Variants in IQGAP2 observed in about 807,000 individuals in gnomAD.
IQGAP2 encodes the protein ras GTPase-activating-like protein IQGAP2.
In IQGAP2, 173 loss-of-function variants were observed where a neutral mutation model predicts 201.3. The observed-to-expected ratio is 0.86, with a 90% CI of 0.76 to 0.98. IQGAP2 has a LOEUF of 0.98. Ranked by LOEUF, IQGAP2 falls within the 50% of genes least tolerant of loss-of-function variation. The probability of loss-of-function intolerance (pLI) is 0.00; values close to 1 mark genes in which losing one functional copy is unlikely to be tolerated. For missense variants in IQGAP2, 1,687 were observed against 1,864.8 expected, an observed-to-expected ratio of 0.90 and a Z score of 1.76; for synonymous variants, 675 against 673.9, an observed-to-expected ratio of 1.00 and a Z score of -0.03.
intron 2 of IQGAP2, among the ~76,000 whole-genome samples, chr5:76,524,746 T>C (rs563117441): frequency 1.3e-5 from 2 of 152,346 alleles, no homozygotes; most frequent in East Asian, 1.9e-4. Context: ...CTTGAGTATA[T>C]TGAGTGGAAG....
At chr5:76,511,714 T>C (rs1480873178) in intron 2 of IQGAP2, among the ~76,000 whole-genome samples, 1 of 150,816 alleles carries the variant, frequency 6.6e-6, no homozygotes, top group Non-Finnish European at 1.5e-5. Context: ...GGAGTCTCGC[T>C]CTGTCGCCCA....
At chr5:76,686,791 G>A (rs1745813715) in intron 30 of IQGAP2, among the ~76,000 whole-genome samples, 1 of 152,204 alleles carries the variant, frequency 6.6e-6, no homozygotes, top group Non-Finnish European at 1.5e-5. Context: ...TTACAGGCGT[G>A]AGCCACCACT....
Position 76,590,459 on chromosome 5 carries a change from A to G in IQGAP2, c.692A>G (p.Glu231Gly), listed in dbSNP as rs1746568342. The part of the protein sequence containing the change: ...INEAVEKGIA[E>G]QTVVTLRNPN... ...GAAGCAGTTGAAAAAGGAATAGCAG[A>G]GCAAACCGTTGTAACACTAAGAAAC... The change falls in exon 8 of 36, where the codon GAG becomes GGG. Residue 231 changes from glutamate (E) to glycine (G), a missense_variant. Transcript: ENST00000274364. 3 of 1,613,876 alleles carry G rather than the reference A, an allele frequency of 1.9e-6. No homozygotes were observed. The highest frequency in any genetic ancestry group is 2.5e-6 in the Non-Finnish European group (3 of 1,179,864).
At chr5:76,578,261 G>A (rs562869117) in intron 5 of IQGAP2, among the ~76,000 whole-genome samples, 3 of 152,232 alleles carry the variant, frequency 2.0e-5, no homozygotes, top group African/African-American at 4.8e-5. Flanking sequence ...GCAGCAAAGG[G>A]AGGAAATTCT....
chr5:76,437,695 A>T (rs1752783705), intron 1 of IQGAP2, among the ~76,000 whole-genome samples: 1 of 152,176 alleles, frequency 6.6e-6, no homozygotes, highest in Admixed American at 6.5e-5. Context: ...GTCCCTGCAA[A>T]GGACATAGTC....
intron 1 of IQGAP2, among the ~76,000 whole-genome samples, chr5:76,419,924 A>G (rs1751634989): frequency 6.6e-6 from 1 of 152,160 alleles, no homozygotes; most frequent in Non-Finnish European, 1.5e-5. Context: ...TGTTCAATAT[A>G]AATTCCACAC....
At chr5:76,545,428 C>A (rs1326963133) in intron 2 of IQGAP2, among the ~76,000 whole-genome samples, 9 of 152,288 alleles carry the variant, frequency 5.9e-5, no homozygotes, top group African/African-American at 2.2e-4. Context: ...TATCTCTGGG[C>A]ACATGGTGGA....
intron 2 of IQGAP2, among the ~76,000 whole-genome samples, chr5:76,555,980 T>C (rs763028138): frequency 2.0e-5 from 3 of 152,134 alleles, no homozygotes; most frequent in Non-Finnish European, 2.9e-5. Flanking sequence ...AGGAGCTACA[T>C]TGTCTGGGGT....
At chr5:76,551,217 C>A (rs1217260253) in intron 2 of IQGAP2, among the ~76,000 whole-genome samples, 3 of 148,622 alleles carry the variant, frequency 2.0e-5, no homozygotes, top group Admixed American at 2.0e-4. Flanking sequence ...GGGGTCGGGG[C>A]CGGGCAGAGG....
chr5:76,666,323 G>A (rs914865065), intron 22 of IQGAP2, among the ~76,000 whole-genome samples: 4 of 152,168 alleles, frequency 2.6e-5, no homozygotes, highest in African/African-American at 9.7e-5. Flanking sequence ...AAGGACTTTG[G>A]TCTGCCTAAT....
rs1037744386 is a variant in IQGAP2, at chr5:76,703,758, T to G, written c.4614+1168T>G. On this transcript the variant is annotated intron_variant, in intron 35 of 35. Coordinates refer to ENST00000274364, the MANE Select transcript of IQGAP2 (RefSeq NM_006633.5). ...AAAGAAGTAATTTATTTTTCTTTTT[T>G]GATGTAACACTTTTTAAATGGAAAT... Among the ~76,000 whole-genome samples the G allele has an allele frequency of 2.6e-5, 4 of 152,338 alleles. No homozygotes were observed. The East Asian group carries it at 7.7e-4, about 29-fold the overall frequency.
At chr5:76,652,706 G>A (rs1031678305) in intron 17 of IQGAP2, 44 bp from the exon 18 acceptor site, 1 of 1,383,812 alleles carries the variant, frequency 7.2e-7, no homozygotes, top group African/African-American at 1.4e-5. Context: ...GATAAATTGG[G>A]AAACTTGCTG....
At chr5:76,623,684 A>G (rs913950390) in intron 13 of IQGAP2, among the ~76,000 whole-genome samples, 1 of 152,228 alleles carries the variant, frequency 6.6e-6, no homozygotes, top group East Asian at 1.9e-4. Flanking sequence ...CCAGAGTGTA[A>G]TTTCTACTTA....
chr5:76,517,188 A>G (rs919301752), intron 2 of IQGAP2, among the ~76,000 whole-genome samples: 3 of 152,176 alleles, frequency 2.0e-5, no homozygotes, highest in African/African-American at 7.2e-5. Context: ...AAGTACATTC[A>G]GGATCTCATA....
chr5:76,432,830 C>G (rs1281626076), intron 1 of IQGAP2, among the ~76,000 whole-genome samples: 2 of 152,162 alleles, frequency 1.3e-5, no homozygotes, highest in African/African-American at 4.8e-5. Flanking sequence ...CTCTGTTTGC[C>G]CTTTCTGATC....
At chr5:76,413,809 A>C (rs982778055) in intron 1 of IQGAP2, among the ~76,000 whole-genome samples, 54 of 152,300 alleles carry the variant, frequency 3.5e-4, no homozygotes, top group Non-Finnish European at 7.2e-4. Context: ...GGAAGGAGCT[A>C]CTTGAAATGT....
chr5:76,586,229 A>T (rs1746235267), intron 5 of IQGAP2, among the ~76,000 whole-genome samples: 1 of 152,230 alleles, frequency 6.6e-6, no homozygotes, highest in South Asian at 2.1e-4. Context: ...GATTATGAAT[A>T]CATAATGGCT....
chr5:76,437,799 C>T (rs921083553), intron 1 of IQGAP2, among the ~76,000 whole-genome samples: 10 of 152,070 alleles, frequency 6.6e-5, no homozygotes, highest in Admixed American at 6.5e-4. Context: ...GGGTTGATTC[C>T]ATGTCTTTGC....
Position 76,683,202 on chromosome 5 carries a change from GTGGAATCTTTTCTT to G in IQGAP2, c.3749_3762del (p.Val1250GlyfsTer6). The G allele has an allele frequency of 6.2e-7, 1 of 1,610,338 alleles. No homozygotes were observed. Among genetic ancestry groups the G allele is most frequent in the African/African-American group, 1.3e-5 (1 of 74,778 alleles). On this transcript the variant is annotated frameshift_variant and splice_region_variant, in exon 29 of 36. Coordinates refer to ENST00000274364, the MANE Select transcript of IQGAP2 (RefSeq NM_006633.5). LOFTEE classifies it high-confidence loss of function. ...GGGGTCGCTGGGAGAGGTGCCAACC[GTGGAATCTTTTCTT>G]GGTAAGAGCTTGTTCCTTCTACTTA...
Sources: allele counts gnomAD v4.1 joint callset (sites outside exome capture counted in the v4.1 genomes callset), GRCh38; gene constraint gnomAD v4.1.1; transcripts MANE v1.5; gene names NCBI Gene and HGNC (gene_info 2026-07-23, HGNC 2026-07-21).